VAC14: variants seen among roughly 807,000 people sequenced by gnomAD.
The protein encoded by VAC14 is VAC14 component of PIKFYVE complex.
In VAC14, 47 loss-of-function variants were observed where a neutral mutation model predicts 85.3. The ratio of observed to expected loss-of-function variants is 0.55; its 90% CI spans 0.44 to 0.70. VAC14 has a LOEUF of 0.70. Ranked by LOEUF, VAC14 falls within the 30% of genes least tolerant of loss-of-function variation. VAC14 has a pLI of 0.00. For missense variants in VAC14, 861 were observed against 1,004.3 expected (o/e 0.86, Z 1.93); for synonymous variants, 447 against 430.5 (o/e 1.04, Z -0.47).
intron 14 of VAC14, among the ~76,000 whole-genome samples, chr16:70,726,280 T>C (rs1010245336): frequency 6.6e-6 from 1 of 152,046 alleles, no homozygotes; most frequent in African/African-American, 2.4e-5. Flanking sequence ...CCGGGCAGAG[T>C]TGTTTTAGCG....
chr16:70,754,865 C>A lies in VAC14; in HGVS notation c.1371+7675G>T, dbSNP rs372405312. Among the ~76,000 whole-genome samples the A allele has an allele frequency of 9.0e-4, 137 of 152,236 alleles. 2 individuals carry two copies. Among genetic ancestry groups the A allele is most frequent in the African/African-American group, 3.0e-3 (124 of 41,546 alleles). On this transcript the variant is annotated intron_variant, in intron 12 of 18. Transcript: ENST00000261776. ...AATGAAAATTGGAGGGAAGTGAACACTGAGGCAAGAATCTGAGGAGGAAAA... is the reference window on the plus strand; with the variant it reads ...AATGAAAATTGGAGGGAAGTGAACAATGAGGCAAGAATCTGAGGAGGAAAA...
At chr16:70,751,794 G>A (rs1465411263) in intron 12 of VAC14, among the ~76,000 whole-genome samples, 1 of 152,234 alleles carries the variant, frequency 6.6e-6, no homozygotes, top group Non-Finnish European at 1.5e-5. Flanking sequence ...TGGCACCGGG[G>A]CCAGAGGCCT....
intron 10 of VAC14, chr16:70,766,649 C>A: frequency 2.6e-6 from 1 of 379,024 alleles, no homozygotes; most frequent in Non-Finnish European, 5.3e-6. Context: ...ACCAAGCAGT[C>A]ATTCCCTGGG....
At chr16:70,744,056 T>C (rs1293294654) in intron 13 of VAC14, among the ~76,000 whole-genome samples, 1 of 152,058 alleles carries the variant, frequency 6.6e-6, no homozygotes, top group African/African-American at 2.4e-5. Flanking sequence ...GGCCACCTAG[T>C]CTTCCACCTG....
intron 14 of VAC14, among the ~76,000 whole-genome samples, chr16:70,711,636 C>T (rs971874215): frequency 1.3e-5 from 2 of 152,158 alleles, no homozygotes; most frequent in African/African-American, 4.8e-5. Flanking sequence ...CCTGCATAGC[C>T]CCAGCACCCC....
At chr16:70,717,836 G>A (rs371007299) in intron 14 of VAC14, among the ~76,000 whole-genome samples, 1 of 151,926 alleles carries the variant, frequency 6.6e-6, no homozygotes, top group East Asian at 1.9e-4. Flanking sequence ...TTTTTTGTAG[G>A]GCGGCAAGGG....
chr16:70,722,501 G>A (rs1385581236), intron 14 of VAC14, among the ~76,000 whole-genome samples: 1 of 152,208 alleles, frequency 6.6e-6, no homozygotes, highest in African/African-American at 2.4e-5. Context: ...TGTGATCTTC[G>A]TGACTCTGCT....
intron 2 of VAC14, 39 bp downstream of exon 2, chr16:70,786,176 C>G: frequency 1.9e-6 from 3 of 1,606,082 alleles, no homozygotes; most frequent in Non-Finnish European, 2.6e-6. Flanking sequence ...AGCGTCAAGG[C>G]CAGGACTGGT....
intron 13 of VAC14, among the ~76,000 whole-genome samples, chr16:70,731,864 G>C (rs984493816): frequency 3.3e-5 from 5 of 151,306 alleles, no homozygotes; most frequent in Non-Finnish European, 7.4e-5. Context: ...AGTCCTACTC[G>C]TAACTTGAAA....
chr16:70,766,692 T>C, intron 10 of VAC14: 1 of 338,548 alleles, frequency 3.0e-6, no homozygotes, highest in Non-Finnish European at 5.8e-6. Flanking sequence ...TTTCTTCCCT[T>C]GCCTGGCTGG....
At chr16:70,776,205 A>C (rs2033508404) in intron 9 of VAC14, among the ~76,000 whole-genome samples, 1 of 152,082 alleles carries the variant, frequency 6.6e-6, no homozygotes, top group Admixed American at 6.5e-5. Flanking sequence ...GGCTCAGGAG[A>C]TCCTCCTGCC....
intron 6 of VAC14, 100 bp from the exon 7 acceptor site, chr16:70,783,239 G>A: frequency 2.3e-6 from 3 of 1,332,898 alleles, no homozygotes; most frequent in Non-Finnish European, 2.1e-6. Flanking sequence ...CACCCAGAGG[G>A]CGGCTTGGCT....
intron 14 of VAC14, among the ~76,000 whole-genome samples, chr16:70,711,108 A>G (rs899203803): frequency 3.9e-5 from 6 of 152,172 alleles, no homozygotes; most frequent in African/African-American, 1.4e-4. Context: ...TACCCTCTAG[A>G]ACAAAGAGGG....
intron 1 of VAC14, among the ~76,000 whole-genome samples, chr16:70,797,267 G>A (rs1311496666): frequency 1.3e-5 from 2 of 152,114 alleles, no homozygotes; most frequent in Non-Finnish European, 2.9e-5. Context: ...GATGATCCGG[G>A]TAAGTTTTCT....
chr16:70,702,245 G>T (rs1407982439), intron 14 of VAC14, among the ~76,000 whole-genome samples: 1 of 152,200 alleles, frequency 6.6e-6, no homozygotes, highest in East Asian at 1.9e-4. Context: ...GCCAAGCCCT[G>T]CCCAGATCTT....
rs1297760186 is a variant in VAC14 at position 70,691,341 on chromosome 16, CT to C, written c.2186+1479del. The C allele has an allele frequency of 6.0e-5, 59 of 985,460 alleles. No homozygotes were observed. In the African/African-American group the frequency reaches 9.2e-4, roughly 15 times the overall value. The allele number at this position is 985,460 out of a possible 1,614,324, so 61.0% of individuals were successfully genotyped here. On this transcript the variant is annotated intron_variant, in intron 18 of 18. Transcript: ENST00000261776. The stretch of plus-strand genomic sequence containing the variant: ...GTCACAGGGAAGCAGCCCTTCCTGC[CT>C]CCTCCCTGCTTCCGGCTGCACCTTC...
chr16:70,789,328 C>T (rs2034216693), intron 1 of VAC14, among the ~76,000 whole-genome samples: 1 of 152,232 alleles, frequency 6.6e-6, no homozygotes, highest in Admixed American at 6.5e-5. Flanking sequence ...ACTGGACACG[C>T]ACACCCTCCT....
At chr16:70,794,322 C>G (rs1278490796) in intron 1 of VAC14, among the ~76,000 whole-genome samples, 2 of 152,210 alleles carry the variant, frequency 1.3e-5, no homozygotes, top group African/African-American at 4.8e-5. Context: ...AAGCCCGAGT[C>G]TACTTTCTGT....
chr16:70,735,541 T>G (rs747375117), intron 13 of VAC14, among the ~76,000 whole-genome samples: 9 of 152,244 alleles, frequency 5.9e-5, no homozygotes, highest in Non-Finnish European at 1.3e-4. Flanking sequence ...AGACTTCCTG[T>G]ATGTCCTCTC....
Sources: allele counts gnomAD v4.1 joint callset (sites outside exome capture counted in the v4.1 genomes callset), GRCh38; gene constraint gnomAD v4.1.1; transcripts MANE v1.5; gene names NCBI Gene and HGNC (gene_info 2026-07-23, HGNC 2026-07-21).